The following LRCH1 variants were observed in gnomAD, a reference collection of about 807,000 sequenced individuals.
The protein encoded by LRCH1 is leucine rich repeats and calponin homology domain containing 1.
LRCH1 carries 23 observed loss-of-function variants against 94.9 expected under a neutral mutation model. The observed-to-expected ratio is 0.24, with a 90% CI of 0.17 to 0.34. LRCH1 has a LOEUF of 0.34. Ranked by LOEUF, LRCH1 falls within the 10% of genes least tolerant of loss-of-function variation. The pLI, the probability that LRCH1 is intolerant of heterozygous loss-of-function variation, is 1.00. For synonymous variants in LRCH1, 364 were observed against 354.9 expected, an observed-to-expected ratio of 1.03 and a Z score of -0.29; for missense variants, 790 against 945.9, an observed-to-expected ratio of 0.84 and a Z score of 2.16.
At chr13:46,587,189 C>T (rs1238253263) in intron 1 of LRCH1, among the ~76,000 whole-genome samples, 4 of 152,180 alleles carry the variant, frequency 2.6e-5, no homozygotes, top group Non-Finnish European at 4.4e-5. Flanking sequence ...CTCTTATTTC[C>T]ATTAGCCCTG....
intron 1 of LRCH1, among the ~76,000 whole-genome samples, chr13:46,615,486 A>G (rs553056153): frequency 6.6e-6 from 1 of 152,302 alleles, no homozygotes; most frequent in South Asian, 2.1e-4. Flanking sequence ...ATTGGAGGTC[A>G]CATTTCAACA....
At chr13:46,621,769 T>C (rs576165751) in intron 1 of LRCH1, among the ~76,000 whole-genome samples, 1 of 152,224 alleles carries the variant, frequency 6.6e-6, no homozygotes, top group African/African-American at 2.4e-5. Context: ...AGTAGCTTCA[T>C]TGTAATCAGT....
intron 2 of LRCH1, among the ~76,000 whole-genome samples, chr13:46,657,342 A>G (rs1008396975): frequency 6.6e-6 from 1 of 151,134 alleles, no homozygotes; most frequent in Non-Finnish European, 1.5e-5. Context: ...CTCTAAGAAC[A>G]CTGCACTTTA....
chr13:46,631,931 G>A (rs1400546312), intron 1 of LRCH1, among the ~76,000 whole-genome samples: 1 of 152,168 alleles, frequency 6.6e-6, no homozygotes, highest in Non-Finnish European at 1.5e-5. Context: ...GCCGGGCGTG[G>A]TGGCTCACAC....
intron 13 of LRCH1, 108 bp downstream of exon 13, chr13:46,705,412 G>A (rs1871707163): frequency 1.0e-6 from 1 of 975,590 alleles, no homozygotes; most frequent in Non-Finnish European, 1.7e-6. Context: ...CTTTATTAAT[G>A]AGGCCAATAT....
intron 18 of LRCH1, among the ~76,000 whole-genome samples, chr13:46,729,199 A>C (rs1479714745): frequency 6.6e-6 from 1 of 152,088 alleles, no homozygotes; most frequent in Non-Finnish European, 1.5e-5. Flanking sequence ...TAAATATATA[A>C]ATGACAGAAA....
At chr13:46,621,118 T>TA in intron 1 of LRCH1, among the ~76,000 whole-genome samples, 1 of 152,238 alleles carries the variant, frequency 6.6e-6, no homozygotes, top group Non-Finnish European at 1.5e-5. Context: ...TTTTGATACT[T>TA]TCATCTTTCT....
downstream of LRCH1, among the ~76,000 whole-genome samples, chr13:46,749,699 G>T (rs1874048620): frequency 1.3e-5 from 2 of 152,116 alleles, no homozygotes; most frequent in South Asian, 4.2e-4. Context: ...AAGAATATTT[G>T]CCGTGGTGTC....
chr13:46,674,740 A>G (rs1358047551), intron 3 of LRCH1, among the ~76,000 whole-genome samples: 3 of 152,262 alleles, frequency 2.0e-5, no homozygotes, highest in Non-Finnish European at 2.9e-5. Flanking sequence ...AAAATAAGCT[A>G]GCAAGGTAGG....
At chr13:46,634,302 A>T (rs913899719) in intron 1 of LRCH1, among the ~76,000 whole-genome samples, 2 of 152,082 alleles carry the variant, frequency 1.3e-5, no homozygotes, top group Non-Finnish European at 2.9e-5. Flanking sequence ...TGCGAATTCT[A>T]CCTCACAAAT....
At chr13:46,747,912 T>A (rs930438810), downstream of LRCH1, among the ~76,000 whole-genome samples, 4 of 152,276 alleles carry the variant, frequency 2.6e-5, no homozygotes, top group Non-Finnish European at 2.9e-5. Flanking sequence ...TAATTTTCTT[T>A]AATTTTTTTG....
intron 15 of LRCH1, among the ~76,000 whole-genome samples, chr13:46,712,869 A>G (rs1306286274): frequency 1.3e-5 from 2 of 152,148 alleles, no homozygotes; most frequent in African/African-American, 2.4e-5. Context: ...GAAATATTCT[A>G]TTGATTTTTT....
At chr13:46,668,183 C>T (rs2051546506) in intron 2 of LRCH1, among the ~76,000 whole-genome samples, 2 of 151,926 alleles carry the variant, frequency 1.3e-5, no homozygotes, top group African/African-American at 4.8e-5. Flanking sequence ...AAATAAATGG[C>T]TGACATATAA....
chr13:46,598,009 G>A (rs1027430763), intron 1 of LRCH1, among the ~76,000 whole-genome samples: 10 of 152,050 alleles, frequency 6.6e-5, no homozygotes, highest in Admixed American at 3.3e-4. Context: ...GGCTGAGTGC[G>A]GTGGCTCATG....
At chr13:46,598,341 C>T (rs1450505149) in intron 1 of LRCH1, among the ~76,000 whole-genome samples, 1 of 150,288 alleles carries the variant, frequency 6.7e-6, no homozygotes, top group Admixed American at 6.7e-5. Context: ...GCCAGGGTGC[C>T]CCAGTTTAGT....
At chr13:46,669,451 T>TGTAAA (rs2051568017) in intron 3 of LRCH1, among the ~76,000 whole-genome samples, 2 of 152,196 alleles carry the variant, frequency 1.3e-5, no homozygotes, top group Non-Finnish European at 2.9e-5. Context: ...TCAGATTGCA[T>TGTAAA]ATAAATTTGT....
In LRCH1 at chr13:46,743,966, A is replaced by C; in HGVS notation, c.*2118A>C. On this transcript the variant is annotated 3_prime_UTR_variant, in exon 20 of 20. Transcript: ENST00000389797. Reference sequence around the variant, plus strand: ...ATTTGTCTGTACTCTGCTGCGCTGCACTTCTTGGGATTTATTGGATGATGT... The same window carrying C: ...ATTTGTCTGTACTCTGCTGCGCTGCCCTTCTTGGGATTTATTGGATGATGT... 1 of 985,390 alleles carries C rather than the reference A, an allele frequency of 1.0e-6. No homozygotes were observed. Among genetic ancestry groups the C allele is most frequent in the South Asian group, 4.7e-5 (1 of 21,282 alleles). The allele number at this position is 985,390 out of a possible 1,614,324, so 61.0% of individuals were successfully genotyped here. A position where few individuals can be genotyped will look rare whatever the true frequency, so the allele number is the denominator to read the frequency against.
At chr13:46,601,545 G>A (rs2050629122) in intron 1 of LRCH1, among the ~76,000 whole-genome samples, 1 of 152,156 alleles carries the variant, frequency 6.6e-6, no homozygotes, top group Non-Finnish European at 1.5e-5. Context: ...GTCCCTTGAG[G>A]TTAGTTCAAT....
intron 1 of LRCH1, among the ~76,000 whole-genome samples, chr13:46,641,242 C>A (rs1241796878): frequency 6.6e-6 from 1 of 152,122 alleles, no homozygotes; most frequent in African/African-American, 2.4e-5. Flanking sequence ...TCTAGAGAGA[C>A]CCTTGCCTGC....
Sources: gnomAD v4.1 joint callset for allele counts (sites outside exome capture counted in the v4.1 genomes callset) on GRCh38, gnomAD v4.1.1 for gene constraint, MANE v1.5 for transcripts, NCBI Gene and HGNC (gene_info 2026-07-23, HGNC 2026-07-21) for gene names.